The following TPRG1 variants were observed in gnomAD, a reference collection of about 807,000 sequenced individuals.
The protein encoded by TPRG1 is tumor protein p63-regulated gene 1 protein.
TPRG1 carries 29 observed loss-of-function variants against 29.3 expected under a neutral mutation model. The observed-to-expected ratio is 0.99, with a 90% CI of 0.74 to 1.35. The LOEUF (loss-of-function observed/expected upper bound fraction) is 1.35. TPRG1 is among the 40% of genes most tolerant of loss of function. TPRG1 has a pLI of 0.00. For synonymous variants in TPRG1, 130 were observed against 116.8 expected (o/e 1.11, Z -0.73); for missense variants, 327 against 335.0 (o/e 0.98, Z 0.19).
At chr3:189,033,429 G>A (rs574719114) in intron 4 of TPRG1, among the ~76,000 whole-genome samples, 286 of 152,066 alleles carry the variant, frequency 1.9e-3, no homozygotes, top group African/African-American at 6.5e-3. Context: ...CAACAGGTAC[G>A]TGCCACCACG....
At chr3:189,285,437 G>A (rs540761969) in intron 4 of TPRG1, among the ~76,000 whole-genome samples, 3 of 152,222 alleles carry the variant, frequency 2.0e-5, no homozygotes, top group South Asian at 2.1e-4. Flanking sequence ...TTTCTGACTT[G>A]TTCCATAGAA....
intron 3 of TPRG1, among the ~76,000 whole-genome samples, chr3:189,222,761 C>T (rs899687284): frequency 2.0e-5 from 3 of 152,206 alleles, no homozygotes; most frequent in African/African-American, 4.8e-5. Flanking sequence ...GACTGAGTTT[C>T]TTGCTCCAGC....
intron 4 of TPRG1, among the ~76,000 whole-genome samples, chr3:189,244,921 GCT>G: frequency 6.6e-6 from 1 of 151,942 alleles, no homozygotes; most frequent in Non-Finnish European, 1.5e-5. Flanking sequence ...CTCTATCTCT[GCT>G]CTCTTTTTTT....
intron 4 of TPRG1, among the ~76,000 whole-genome samples, chr3:189,033,000 C>T (rs1714024052): frequency 6.6e-6 from 1 of 151,822 alleles, no homozygotes; most frequent in African/African-American, 2.4e-5. Context: ...GTCCAAATGT[C>T]CCACAACCGT....
chr3:189,157,758 C>T (rs1726887508), intron 5 of TPRG1, among the ~76,000 whole-genome samples: 1 of 152,160 alleles, frequency 6.6e-6, no homozygotes, highest in Admixed American at 6.5e-5. Context: ...GGTATGAATG[C>T]CCTCCCTGTC....
intron 5 of TPRG1, among the ~76,000 whole-genome samples, chr3:189,313,909 A>C (rs1464377007): frequency 6.6e-6 from 1 of 152,196 alleles, no homozygotes; most frequent in Non-Finnish European, 1.5e-5. Context: ...ATTTGGTTTA[A>C]CTGGAGTTTA....
In TPRG1 at chr3:189,001,939, C is replaced by A. The variant is rs571331555; in HGVS notation, c.-878+1028C>A. On this transcript the variant is annotated intron_variant, in intron 2 of 10. Transcript: ENST00000433971. Reference sequence around the variant, plus strand: ...TTTTTTAAATCTAAATATTACTTAACCTTCTCAGTATCTGTTGGAGGAAGG... The same window carrying A: ...TTTTTTAAATCTAAATATTACTTAAACTTCTCAGTATCTGTTGGAGGAAGG... Among the ~76,000 whole-genome samples, 5 of 152,326 alleles carry A rather than the reference C, an allele frequency of 3.3e-5. No individual in the cohort carries two copies. The East Asian group carries it at 9.7e-4, about 29-fold the overall frequency.
intron 4 of TPRG1, among the ~76,000 whole-genome samples, chr3:189,258,654 A>G (rs1712373530): frequency 6.6e-6 from 1 of 152,160 alleles, no homozygotes; most frequent in South Asian, 2.1e-4. Context: ...AGATTTATCT[A>G]TAAGCCCCTG....
chr3:189,124,124 C>T (rs188326891), intron 1 of TPRG1, among the ~76,000 whole-genome samples: 12 of 152,240 alleles, frequency 7.9e-5, no homozygotes, highest in South Asian at 2.1e-4. Flanking sequence ...CACTAATTCA[C>T]GTGTTCATTC....
intron 4 of TPRG1, among the ~76,000 whole-genome samples, chr3:189,029,384 G>C (rs1713823217): frequency 6.6e-6 from 1 of 152,176 alleles, no homozygotes; most frequent in African/African-American, 2.4e-5. Context: ...AACATTCCAT[G>C]TAAATTAACA....
intron 3 of TPRG1, among the ~76,000 whole-genome samples, chr3:189,132,966 C>T (rs1420908668): frequency 6.6e-6 from 1 of 151,942 alleles, no homozygotes; most frequent in Middle Eastern, 3.2e-3. Flanking sequence ...GGAAGCGGGG[C>T]CAGTACACAT....
At chr3:189,178,388 G>C (rs1002233115) in intron 1 of TPRG1, among the ~76,000 whole-genome samples, 1 of 152,116 alleles carries the variant, frequency 6.6e-6, no homozygotes, top group Non-Finnish European at 1.5e-5. Context: ...AATTAGCTAG[G>C]CATGGTGATG....
chr3:189,141,978 G>C (rs1258733723), intron 3 of TPRG1, among the ~76,000 whole-genome samples: 1 of 152,126 alleles, frequency 6.6e-6, no homozygotes, highest in Non-Finnish European at 1.5e-5. Flanking sequence ...GACAAAGATG[G>C]AGACAAGCAC....
chr3:189,207,123 G>C (rs1237240266), intron 1 of TPRG1: 2 of 969,618 alleles, frequency 2.1e-6, no homozygotes, highest in Non-Finnish European at 2.5e-6. Context: ...CCTGTCTCCT[G>C]GGATTAAACT....
chr3:189,184,386 C>G (rs1349516654), intron 1 of TPRG1, among the ~76,000 whole-genome samples: 5 of 152,154 alleles, frequency 3.3e-5, no homozygotes, highest in Non-Finnish European at 7.3e-5. Context: ...GTGTAAAAGG[C>G]AGTTTACGAA....
chr3:189,077,349 A>G (rs1168646688), intron 4 of TPRG1, among the ~76,000 whole-genome samples: 2 of 152,166 alleles, frequency 1.3e-5, no homozygotes, highest in African/African-American at 4.8e-5. Context: ...CAGATTCAAC[A>G]AAAATACACA....
chr3:189,201,928 G>A (rs1733563383), intron 1 of TPRG1, among the ~76,000 whole-genome samples: 1 of 152,158 alleles, frequency 6.6e-6, no homozygotes, highest in Non-Finnish European at 1.5e-5. Context: ...TGAGATTACA[G>A]GCATGAGCCA....
chr3:189,256,762 C>T (rs59321025), intron 4 of TPRG1, among the ~76,000 whole-genome samples: 1,899 of 152,106 alleles, frequency 0.012, 42 homozygotes, highest in African/African-American at 0.044. Context: ...TTATGTAATG[C>T]CCTTCTTTGT....
At chr3:189,049,194 C>A (rs768355938) in intron 4 of TPRG1, among the ~76,000 whole-genome samples, 2 of 152,184 alleles carry the variant, frequency 1.3e-5, no homozygotes, top group African/African-American at 4.8e-5. Flanking sequence ...GGCACAGGCA[C>A]GGAAGAACTA....
Sources: allele counts gnomAD v4.1 joint callset (sites outside exome capture counted in the v4.1 genomes callset), GRCh38; gene constraint gnomAD v4.1.1; transcripts MANE v1.5; gene names NCBI Gene and HGNC (gene_info 2026-07-23, HGNC 2026-07-21).